CHODL: variants seen among roughly 807,000 people sequenced by gnomAD.
CHODL encodes chondrolectin.
Under a neutral mutation model 34.5 loss-of-function variants are expected in CHODL, and 29 were observed. The ratio of observed to expected loss-of-function variants is 0.84; its 90% confidence interval spans 0.63 to 1.15. The LOEUF (loss-of-function observed/expected upper bound fraction) is 1.15. CHODL is among the 50% of genes most tolerant of loss of function. The pLI is 0.00. For missense variants in CHODL, 332 were observed against 332.5 expected (o/e 1.00, Z 0.01); for synonymous variants, 125 against 116.1 (o/e 1.08, Z -0.49).
intron 2 of CHODL, among the ~76,000 whole-genome samples, chr21:18,133,510 T>G (rs2072683069): frequency 6.6e-6 from 1 of 152,164 alleles, no homozygotes; most frequent in African/African-American, 2.4e-5. Context: ...TTCATGCATT[T>G]CTGCATATCT....
At chr21:18,096,287 G>A (rs2065138770) in intron 2 of CHODL, among the ~76,000 whole-genome samples, 1 of 152,138 alleles carries the variant, frequency 6.6e-6, no homozygotes, top group Non-Finnish European at 1.5e-5. Context: ...TAAAACGTGT[G>A]TTTGAACAAT....
chr21:18,216,095 C>G (rs1364110821), intron 2 of CHODL, among the ~76,000 whole-genome samples: 1 of 151,556 alleles, frequency 6.6e-6, no homozygotes, highest in Non-Finnish European at 1.5e-5. Flanking sequence ...ACTTTATGTT[C>G]CCTTTTCTTA....
At chr21:17,963,012 T>C (rs2063543155) in intron 1 of CHODL, among the ~76,000 whole-genome samples, 1 of 150,316 alleles carries the variant, frequency 6.7e-6, no homozygotes, top group South Asian at 2.1e-4. Flanking sequence ...TGCAGTGAGC[T>C]GAGATCGCAC....
At chr21:18,097,866 A>G (rs566648249) in intron 2 of CHODL, among the ~76,000 whole-genome samples, 2 of 152,306 alleles carry the variant, frequency 1.3e-5, no homozygotes, top group African/African-American at 4.8e-5. Context: ...ACATAAAAAC[A>G]GACACATAGA....
At chr21:18,213,464 C>A (rs1229663789) in intron 2 of CHODL, among the ~76,000 whole-genome samples, 1 of 152,060 alleles carries the variant, frequency 6.6e-6, no homozygotes, top group Non-Finnish European at 1.5e-5. Context: ...ACACAAAAAA[C>A]ACTTTTCAGT....
chr21:18,056,929 C>T (rs1322038630), intron 2 of CHODL, among the ~76,000 whole-genome samples: 2 of 151,962 alleles, frequency 1.3e-5, no homozygotes, highest in Admixed American at 1.3e-4. Context: ...AGAAGTCTTC[C>T]CCAATATCTG....
intron 2 of CHODL, among the ~76,000 whole-genome samples, chr21:18,218,621 T>G (rs1021572086): frequency 1.3e-5 from 2 of 152,180 alleles, no homozygotes; most frequent in Non-Finnish European, 2.9e-5. Context: ...GCAGTCAGCT[T>G]GAATTTCTCC....
chr21:18,125,561 T>C (rs936731762), intron 2 of CHODL, among the ~76,000 whole-genome samples: 1 of 152,084 alleles, frequency 6.6e-6, no homozygotes, highest in Admixed American at 6.6e-5. Context: ...ACATTATTTT[T>C]AAATTTAATT....
chr21:18,047,232 A>G (rs907985163), intron 2 of CHODL, among the ~76,000 whole-genome samples: 5 of 152,026 alleles, frequency 3.3e-5, no homozygotes, highest in Non-Finnish European at 7.4e-5. Flanking sequence ...TTCCCTAACA[A>G]AGGTAATTGA....
At chr21:17,976,887 T>C (rs1286314560) in intron 1 of CHODL, among the ~76,000 whole-genome samples, 1 of 152,230 alleles carries the variant, frequency 6.6e-6, no homozygotes, top group Non-Finnish European at 1.5e-5. Context: ...ACATCAGTCC[T>C]GATTTCTATG....
In CHODL at chr21:18,256,877, G is replaced by A; in HGVS notation, c.389+59G>A. The A allele has an allele frequency of 3.2e-6, 5 of 1,582,630 alleles. 1 individual carries two copies. In the South Asian group the frequency reaches 5.8e-5, roughly 18 times the overall value. On this transcript the variant is annotated intron_variant, in intron 2 of 5. Transcript: ENST00000299295. ...CTGGGGAACTCCAAAGATAGAGGGA[G>A]GACTCTGTTACCTGTAGAGGATGTC... is the stretch of plus-strand genomic sequence containing the variant.
intron 2 of CHODL, among the ~76,000 whole-genome samples, chr21:18,212,622 C>T (rs570408064): frequency 7.9e-5 from 12 of 152,086 alleles, no homozygotes; most frequent in African/African-American, 2.9e-4. Context: ...AATTTATCTA[C>T]ATTATAGTTT....
intron 1 of CHODL, among the ~76,000 whole-genome samples, chr21:17,937,763 AC>A (rs2063329701): frequency 6.6e-6 from 1 of 152,066 alleles, no homozygotes; most frequent in Admixed American, 6.5e-5. Context: ...TTTTCAAATA[AC>A]TTTTATTGGT....
At chr21:18,259,244 C>T (rs73318254) in intron 3 of CHODL, among the ~76,000 whole-genome samples, 22,500 of 151,670 alleles carry the variant, frequency 0.15, 2,901 homozygotes, top group African/African-American at 0.35. Flanking sequence ...AATTTACAGG[C>T]TTTTTTTTAA....
At chr21:17,990,245 T>C (rs1485740183) in intron 1 of CHODL, among the ~76,000 whole-genome samples, 1 of 152,106 alleles carries the variant, frequency 6.6e-6, no homozygotes, top group Non-Finnish European at 1.5e-5. Flanking sequence ...TCTCTTTGCT[T>C]TTCTCTCCTC....
chr21:18,168,940 T>C (rs2073191056), intron 2 of CHODL, among the ~76,000 whole-genome samples: 1 of 152,188 alleles, frequency 6.6e-6, no homozygotes, highest in Non-Finnish European at 1.5e-5. Context: ...ACTTCTTTTA[T>C]ATGATGTAAG....
In CHODL at chr21:18,193,712, AAAATAAAT is replaced by A. The variant is rs199894126; in HGVS notation, c.-44-62769_-44-62762del. Among the ~76,000 whole-genome samples the A allele has an allele frequency of 9.4e-3, 1,311 of 139,324 alleles. 9 individuals carry two copies. The highest frequency in any genetic ancestry group is 0.014 in the Non-Finnish European group (953 of 66,666). 91.4% of individuals were successfully genotyped at this position (139,324 alleles called of 152,430 possible). A position where few individuals can be genotyped will look rare whatever the true frequency, so the allele number is the denominator to read the frequency against. ...CTCTGTCTCAGAAAAAAAAAAAAAT[AAAATAAAT>A]AAATAAATAAATAAATAAATAAATA... On this transcript the variant is annotated intron_variant, in intron 2 of 6. Coordinates refer to the CHODL transcript ENST00000400127.
intron 3 of CHODL, among the ~76,000 whole-genome samples, chr21:18,259,526 T>A (rs1440972352): frequency 6.6e-6 from 1 of 152,082 alleles, no homozygotes; most frequent in Admixed American, 6.5e-5. Flanking sequence ...AACTTAAAAG[T>A]TAGAAGAACA....
At chr21:18,095,328 C>T (rs1568883452) in intron 2 of CHODL, among the ~76,000 whole-genome samples, 1 of 151,922 alleles carries the variant, frequency 6.6e-6, no homozygotes, top group Non-Finnish European at 1.5e-5. Flanking sequence ...GGAGACATTA[C>T]AGCTGATACC....
Sources: gnomAD v4.1 joint callset for allele counts (sites outside exome capture counted in the v4.1 genomes callset) on GRCh38, gnomAD v4.1.1 for gene constraint, MANE v1.5 for transcripts, NCBI Gene and HGNC (gene_info 2026-07-23, HGNC 2026-07-21) for gene names.